Variants in NKAIN3 observed in about 807,000 individuals in gnomAD.
The protein encoded by NKAIN3 is sodium/potassium-transporting ATPase subunit beta-1-interacting protein 3.
A neutral mutation model predicts 30.2 loss-of-function variants in NKAIN3; 25 were observed. The ratio of observed to expected loss-of-function variants is 0.83; its 90% CI spans 0.60 to 1.16. The LOEUF (loss-of-function observed/expected upper bound fraction) is 1.16, where lower values mean the gene tolerates loss of function less well. Ranked by LOEUF, NKAIN3 falls within the 50% of genes most tolerant of loss-of-function variation. NKAIN3 has a pLI of 0.00. For synonymous variants in NKAIN3, 91 were observed against 89.6 expected (o/e 1.02, Z -0.09); for missense variants, 225 against 254.1 (o/e 0.89, Z 0.78).
In NKAIN3 at chr8:62,371,501, T is replaced by A. The variant is rs1816907759; in HGVS notation, c.54+122374T>A. Among the ~76,000 whole-genome samples, 5 of 152,008 alleles carry A rather than the reference T, an allele frequency of 3.3e-5. No homozygotes were observed. The South Asian group carries it at 1.0e-3, about 32-fold the overall frequency. On this transcript the variant is annotated intron_variant, in intron 1 of 6. Transcript: ENST00000623646. ...GACTTATGGTCCCCTTGTTTCACTG[T>A]CTTTAGCTTTTCTACTGAATTCTGG...
chr8:62,463,077 T>A (rs1419368846), intron 1 of NKAIN3, among the ~76,000 whole-genome samples: 1 of 152,230 alleles, frequency 6.6e-6, no homozygotes, highest in Non-Finnish European at 1.5e-5. Context: ...ATGAACTTAT[T>A]TGTTCTACCT....
intron 1 of NKAIN3, among the ~76,000 whole-genome samples, chr8:62,333,023 GT>G (rs1174385701): frequency 6.6e-6 from 1 of 152,106 alleles, no homozygotes; most frequent in Non-Finnish European, 1.5e-5. Flanking sequence ...ACAAAAAACA[GT>G]TGTTTTTCCA....
chr8:62,840,350 T>TA (rs200175437), intron 4 of NKAIN3, among the ~76,000 whole-genome samples: 12,901 of 135,356 alleles, frequency 0.095, 597 homozygotes, highest in Middle Eastern at 0.15. Context: ...TCAAGCTTTC[T>TA]AAAAAAAAAA....
intron 1 of NKAIN3, among the ~76,000 whole-genome samples, chr8:62,460,144 G>T (rs2129599403): frequency 6.6e-6 from 1 of 151,586 alleles, no homozygotes; most frequent in Non-Finnish European, 1.5e-5. Context: ...CAGGTGTGGT[G>T]GCTCATGCCT....
Position 62,894,570 on chromosome 8 carries a change from C to T in NKAIN3, c.472-23883C>T, listed in dbSNP as rs572196759. Among the ~76,000 whole-genome samples the T allele has an allele frequency of 4.6e-5, 7 of 152,250 alleles. No individual in the cohort carries two copies. In the South Asian group the frequency reaches 6.2e-4, roughly 14 times the overall value. On this transcript the variant is annotated intron_variant, in intron 4 of 6. Coordinates refer to ENST00000623646, the MANE Select transcript of NKAIN3 (RefSeq NM_001304533.3). ...TACAAAATTTAAATTTTCCTCCCAG[C>T]CTTTAAACCAGGGCATAGTTCACCT...
intron 1 of NKAIN3, among the ~76,000 whole-genome samples, chr8:62,537,754 C>A (rs1808709654): frequency 6.6e-6 from 1 of 151,950 alleles, no homozygotes; most frequent in African/African-American, 2.4e-5. Flanking sequence ...GAAAATAAAT[C>A]CTATTTGACA....
intron 1 of NKAIN3, among the ~76,000 whole-genome samples, chr8:62,290,490 A>G (rs878886472): frequency 1.3e-5 from 2 of 152,142 alleles, no homozygotes; most frequent in African/African-American, 4.8e-5. Context: ...TTCTGCATCT[A>G]TTGAGATAAT....
chr8:62,963,296 G>A, intron 6 of NKAIN3, among the ~76,000 whole-genome samples: 1 of 152,074 alleles, frequency 6.6e-6, no homozygotes, highest in Non-Finnish European at 1.5e-5. Context: ...ACTGTCTTCT[G>A]CAAAAACTCC....
intron 1 of NKAIN3, among the ~76,000 whole-genome samples, chr8:62,329,380 A>G (rs1815259198): frequency 6.6e-6 from 1 of 152,126 alleles, no homozygotes; most frequent in Non-Finnish European, 1.5e-5. Context: ...GTACATGTGC[A>G]GGTTTGTTAC....
chr8:62,454,699 A>T (rs1805759786), intron 1 of NKAIN3, among the ~76,000 whole-genome samples: 1 of 152,216 alleles, frequency 6.6e-6, no homozygotes, highest in Non-Finnish European at 1.5e-5. Flanking sequence ...AGAACAAACC[A>T]TGAGCTTTCT....
intron 6 of NKAIN3, among the ~76,000 whole-genome samples, chr8:62,960,651 CA>C (rs1823545426): frequency 6.7e-6 from 1 of 150,096 alleles, no homozygotes; most frequent in Non-Finnish European, 1.5e-5. Context: ...ATATTGACAT[CA>C]AAAAAATTTA....
chr8:62,885,680 A>AC (rs1292257023), intron 4 of NKAIN3, among the ~76,000 whole-genome samples: 1 of 152,164 alleles, frequency 6.6e-6, no homozygotes, highest in Non-Finnish European at 1.5e-5. Context: ...GCCCATACAC[A>AC]TTAAGGATTA....
intron 1 of NKAIN3, among the ~76,000 whole-genome samples, chr8:62,358,619 T>A (rs1340142250): frequency 6.6e-6 from 1 of 152,148 alleles, no homozygotes; most frequent in Admixed American, 6.5e-5. Context: ...ACCTCAGGAT[T>A]CTCAGACACA....
intron 4 of NKAIN3, among the ~76,000 whole-genome samples, chr8:62,848,541 G>T (rs1819760286): frequency 6.6e-6 from 1 of 152,140 alleles, no homozygotes; most frequent in East Asian, 1.9e-4. Context: ...CTTTGCTGAA[G>T]TTGCTTATCA....
intron 4 of NKAIN3, among the ~76,000 whole-genome samples, chr8:62,793,535 T>G (rs568309794): frequency 2.6e-5 from 4 of 152,244 alleles, no homozygotes; most frequent in Admixed American, 2.6e-4. Flanking sequence ...GGCCAGTTTA[T>G]GAGCTGGTTG....
At chr8:62,497,688 C>T (rs1448708243) in intron 1 of NKAIN3, among the ~76,000 whole-genome samples, 1 of 152,014 alleles carries the variant, frequency 6.6e-6, no homozygotes, top group African/African-American at 2.4e-5. Context: ...CATCCCTGAT[C>T]CAAAGTATGC....
At chr8:62,513,192 T>C (rs1807866537) in intron 1 of NKAIN3, among the ~76,000 whole-genome samples, 1 of 151,950 alleles carries the variant, frequency 6.6e-6, no homozygotes, top group African/African-American at 2.4e-5. Context: ...GAGTTCTGTT[T>C]AGCCTCATGT....
chr8:62,855,620 A>T, intron 4 of NKAIN3: 1 of 1,603,430 alleles, frequency 6.2e-7, no homozygotes, highest in Non-Finnish European at 8.5e-7. Flanking sequence ...TTCAGTCTCC[A>T]TCAAATCCAA....
At position 62,671,916 on chromosome 8, in the gene NKAIN3, A is replaced by G. The variant is rs576548886; in HGVS notation, c.274-75016A>G. Among the ~76,000 whole-genome samples, 5 of 152,184 alleles carry G rather than the reference A, an allele frequency of 3.3e-5. No homozygotes were observed. In the East Asian group the frequency reaches 5.8e-4, roughly 18 times the overall value. On this transcript the variant is annotated intron_variant, in intron 3 of 6. Coordinates refer to ENST00000623646, the MANE Select transcript of NKAIN3 (RefSeq NM_001304533.3). ...TTTGTCCTCCAACTCCAAGAAGAAGACCTAGGATTCGGTCTGACTGGTCTG... is the reference window on the plus strand; with the variant it reads ...TTTGTCCTCCAACTCCAAGAAGAAGGCCTAGGATTCGGTCTGACTGGTCTG...
Sources: gnomAD v4.1 joint callset for allele counts (sites outside exome capture counted in the v4.1 genomes callset) on GRCh38, gnomAD v4.1.1 for gene constraint, MANE v1.5 for transcripts, NCBI Gene and HGNC (gene_info 2026-07-23, HGNC 2026-07-21) for gene names.